GHR: variants seen among roughly 807,000 people sequenced by gnomAD.
GHR encodes the protein growth hormone receptor, also known as GH receptor.
A neutral mutation model predicts 67.1 loss-of-function variants in GHR; 35 were observed. The observed-to-expected ratio is 0.52, with a 90% CI of 0.40 to 0.69. The LOEUF (loss-of-function observed/expected upper bound fraction) is 0.69. Ranked by LOEUF, GHR falls within the 30% of genes least tolerant of loss-of-function variation. GHR has a pLI of 0.00. For missense variants in GHR, 792 were observed against 764.6 expected, an observed-to-expected ratio of 1.04 and a Z score of -0.42; for synonymous variants, 272 against 269.1, an observed-to-expected ratio of 1.01 and a Z score of -0.10.
chr5:42,457,885 G>A (rs575515473), intron 1 of GHR, among the ~76,000 whole-genome samples: 19 of 152,250 alleles, frequency 1.2e-4, no homozygotes, highest in African/African-American at 2.6e-4. Flanking sequence ...CTACTTACTA[G>A]CCACATGAAC....
At position 42,423,969 on chromosome 5, in the gene GHR, G is replaced by T. The variant is rs980571511; in HGVS notation, c.-12+14G>T. The T allele has an allele frequency of 6.5e-6, 1 of 154,126 alleles. No homozygotes were observed. The highest frequency in any genetic ancestry group is 1.5e-5 in the Non-Finnish European group (1 of 68,500). 9.5% of individuals were successfully genotyped at this position (154,126 alleles called of 1,614,324 possible). A position where few individuals can be genotyped will look rare whatever the true frequency, so the allele number is the denominator to read the frequency against. On this transcript the variant is annotated intron_variant, in intron 1 of 9. Transcript: ENST00000230882. ...CGAAGCTCGGAGGTACTGGAGTGGGGCTCCGGGAGTCTGGCTTTATTTTCC... is the reference window on the plus strand; with the variant it reads ...CGAAGCTCGGAGGTACTGGAGTGGGTCTCCGGGAGTCTGGCTTTATTTTCC...
chr5:42,634,177 A>G (rs1291216230), intron 3 of GHR, among the ~76,000 whole-genome samples: 1 of 151,950 alleles, frequency 6.6e-6, no homozygotes, highest in East Asian at 1.9e-4. Flanking sequence ...CCTACCTCAT[A>G]AGATGGTTGT....
At chr5:42,674,710 A>G (rs1425009737) in intron 3 of GHR, among the ~76,000 whole-genome samples, 1 of 152,206 alleles carries the variant, frequency 6.6e-6, no homozygotes, top group Non-Finnish European at 1.5e-5. Flanking sequence ...ACAATACTTT[A>G]TTATAGGATT....
intron 3 of GHR, among the ~76,000 whole-genome samples, chr5:42,666,829 C>T (rs758815312): frequency 6.6e-6 from 1 of 152,146 alleles, no homozygotes; most frequent in African/African-American, 2.4e-5. Context: ...CTCTCTAAAT[C>T]GCAGATCTTT....
At chr5:42,542,660 G>T (rs1034556146) in intron 1 of GHR, among the ~76,000 whole-genome samples, 1 of 151,900 alleles carries the variant, frequency 6.6e-6, no homozygotes, top group African/African-American at 2.4e-5. Context: ...TCATTTTTGG[G>T]GTACAAGTGA....
At chr5:42,642,698 A>T (rs1754539665) in intron 3 of GHR, among the ~76,000 whole-genome samples, 1 of 152,176 alleles carries the variant, frequency 6.6e-6, no homozygotes, top group African/African-American at 2.4e-5. Flanking sequence ...AAGCTGCTAT[A>T]ACAAATTACC....
At chr5:42,692,406 C>CT (rs1757461481) in intron 4 of GHR, among the ~76,000 whole-genome samples, 1 of 152,012 alleles carries the variant, frequency 6.6e-6, no homozygotes, top group African/African-American at 2.4e-5. Flanking sequence ...CAGAGGGGAG[C>CT]TTCCATACAT....
chr5:42,526,217 G>A (rs1212037290), intron 1 of GHR, among the ~76,000 whole-genome samples: 1 of 151,908 alleles, frequency 6.6e-6, no homozygotes, highest in Admixed American at 6.6e-5. Flanking sequence ...CCTTAGTGCT[G>A]ATATGGAGAA....
intron 1 of GHR, among the ~76,000 whole-genome samples, chr5:42,545,791 C>T (rs1748708136): frequency 6.6e-6 from 1 of 152,146 alleles, no homozygotes; most frequent in African/African-American, 2.4e-5. Flanking sequence ...CACTTTCCTA[C>T]TCTTAGTATA....
chr5:42,572,174 T>C (rs1335257063), intron 2 of GHR, among the ~76,000 whole-genome samples: 7 of 152,182 alleles, frequency 4.6e-5, no homozygotes, highest in Admixed American at 4.6e-4. Context: ...CCTTACACTG[T>C]ATATGATATA....
At chr5:42,435,136 C>G (rs1396039552) in intron 1 of GHR, among the ~76,000 whole-genome samples, 2 of 152,150 alleles carry the variant, frequency 1.3e-5, no homozygotes, top group African/African-American at 2.4e-5. Flanking sequence ...ATAAAAGACC[C>G]TCTTGATAAC....
chr5:42,710,397 GA>G (rs1300568607), intron 6 of GHR, among the ~76,000 whole-genome samples: 2 of 151,960 alleles, frequency 1.3e-5, no homozygotes, highest in African/African-American at 4.8e-5. Context: ...AAAGCACATT[GA>G]ATAACTGCTT....
intron 2 of GHR, among the ~76,000 whole-genome samples, chr5:42,569,794 G>A (rs991853061): frequency 6.6e-6 from 1 of 151,998 alleles, no homozygotes; most frequent in Non-Finnish European, 1.5e-5. Context: ...CACCAGTGAG[G>A]TGTGGCTTGC....
chr5:42,570,501 G>A (rs1005674290), intron 2 of GHR, among the ~76,000 whole-genome samples: 2 of 152,112 alleles, frequency 1.3e-5, no homozygotes, highest in African/African-American at 4.8e-5. Flanking sequence ...GATTCAAGGA[G>A]GAATTTCATG....
At chr5:42,607,742 G>A (rs1752695523) in intron 2 of GHR, among the ~76,000 whole-genome samples, 1 of 152,106 alleles carries the variant, frequency 6.6e-6, no homozygotes. Context: ...CAAAAGAAGA[G>A]GGCCATTCCA....
At chr5:42,627,806 A>G (rs1376769548) in intron 2 of GHR, among the ~76,000 whole-genome samples, 1 of 152,198 alleles carries the variant, frequency 6.6e-6, no homozygotes, top group Non-Finnish European at 1.5e-5. Context: ...CTTGAGTGTT[A>G]ATCAGCTCAA....
chr5:42,495,163 A>G (rs1746268883), intron 1 of GHR, among the ~76,000 whole-genome samples: 1 of 151,958 alleles, frequency 6.6e-6, no homozygotes, highest in South Asian at 2.1e-4. Flanking sequence ...TCTTATAAGT[A>G]AGCAAGAAAG....
intron 1 of GHR, among the ~76,000 whole-genome samples, chr5:42,435,715 A>G (rs1358852537): frequency 6.6e-6 from 1 of 152,202 alleles, no homozygotes; most frequent in African/African-American, 2.4e-5. Flanking sequence ...TTCCACTCAC[A>G]TCTTCTTTTC....
chr5:42,479,863 T>G (rs1204358070), intron 1 of GHR, among the ~76,000 whole-genome samples: 3 of 152,132 alleles, frequency 2.0e-5, no homozygotes, highest in African/African-American at 4.8e-5. Flanking sequence ...TTTTTTTGAA[T>G]GGTTTTTTGT....
Sources: allele counts gnomAD v4.1 joint callset (sites outside exome capture counted in the v4.1 genomes callset), GRCh38; gene constraint gnomAD v4.1.1; transcripts MANE v1.5; gene names NCBI Gene and HGNC (gene_info 2026-07-23, HGNC 2026-07-21).